Variants in ADCY2 observed in about 807,000 individuals in gnomAD.
The protein encoded by ADCY2 is adenylate cyclase 2, also known as adenylate cyclase type 2.
Under a neutral mutation model 125.2 loss-of-function variants are expected in ADCY2, and 31 were observed. The observed-to-expected ratio is 0.25, with a 90% CI of 0.19 to 0.33. The LOEUF is 0.33. ADCY2 is among the 10% of genes least tolerant of loss of function. The pLI is 1.00. For synonymous variants in ADCY2, 512 were observed against 548.4 expected, an observed-to-expected ratio of 0.93 and a Z score of 0.93; for missense variants, 904 against 1,418.2, an observed-to-expected ratio of 0.64 and a Z score of 5.82.
intron 3 of ADCY2, among the ~76,000 whole-genome samples, chr5:7,618,120 G>A (rs1011403109): frequency 9.9e-5 from 15 of 152,070 alleles, no homozygotes; most frequent in Admixed American, 7.9e-4. Flanking sequence ...ATTTCCTTAC[G>A]GATGTGCTTA....
At position 7,717,304 on chromosome 5, in the gene ADCY2, G is replaced by A. The variant is rs905715178; in HGVS notation, c.1703+67G>A. Reference sequence around the variant, plus strand: ...ATGTTCCAGTTGTATTTTATCATGGGCTCTGCAATAGTTACCATGACAAAG... The same window carrying A: ...ATGTTCCAGTTGTATTTTATCATGGACTCTGCAATAGTTACCATGACAAAG... On this transcript the variant is annotated intron_variant, in intron 12 of 24. Coordinates refer to ENST00000338316, the MANE Select transcript of ADCY2 (RefSeq NM_020546.3). 7.7e-6 allele frequency: 9 copies of A among 1,164,914 alleles called. No individual in the cohort carries two copies. In the African/African-American group the frequency reaches 1.4e-4, roughly 18 times the overall value. 72.2% of individuals were successfully genotyped at this position (1,164,914 alleles called of 1,614,324 possible). A position where few individuals can be genotyped will look rare whatever the true frequency, so the allele number is the denominator to read the frequency against.
chr5:7,630,187 G>A (rs141202067), intron 4 of ADCY2, among the ~76,000 whole-genome samples: 152 of 152,116 alleles, frequency 1.0e-3, no homozygotes, highest in African/African-American at 3.4e-3. Flanking sequence ...GGCTGTCCTT[G>A]GATGCAAAAT....
intron 2 of ADCY2, among the ~76,000 whole-genome samples, chr5:7,426,396 T>C (rs1740389518): frequency 6.6e-6 from 1 of 152,154 alleles, no homozygotes; most frequent in African/African-American, 2.4e-5. Flanking sequence ...CACCGGCAGA[T>C]TTGGTGTCTG....
intron 9 of ADCY2, among the ~76,000 whole-genome samples, chr5:7,708,816 AC>A (rs1299835515): frequency 6.6e-6 from 1 of 152,150 alleles, no homozygotes; most frequent in Non-Finnish European, 1.5e-5. Flanking sequence ...AAAGAACATT[AC>A]GTTCAGGTAA....
intron 16 of ADCY2, among the ~76,000 whole-genome samples, chr5:7,765,460 G>T (rs1206212569): frequency 6.6e-6 from 1 of 152,042 alleles, no homozygotes; most frequent in Non-Finnish European, 1.5e-5. Flanking sequence ...CATACATAAA[G>T]AAATCTACTA....
intron 2 of ADCY2, among the ~76,000 whole-genome samples, chr5:7,429,028 G>C (rs1381049325): frequency 6.6e-6 from 1 of 152,094 alleles, no homozygotes; most frequent in East Asian, 1.9e-4. Context: ...GAGAGAGAGA[G>C]AGAGAGAGAG....
At chr5:7,652,062 A>C (rs112458255) in intron 4 of ADCY2, among the ~76,000 whole-genome samples, 9 of 152,274 alleles carry the variant, frequency 5.9e-5, no homozygotes, top group African/African-American at 2.2e-4. Flanking sequence ...TCGGCCTCCC[A>C]AAGTGCTGGG....
chr5:7,603,795 T>C (rs1561121078), intron 3 of ADCY2, among the ~76,000 whole-genome samples: 4 of 144,036 alleles, frequency 2.8e-5, no homozygotes, highest in Admixed American at 2.1e-4. Context: ...TTTTTTTTTT[T>C]TTTTTTTTTT....
At chr5:7,556,969 A>G (rs1735525276) in intron 3 of ADCY2, among the ~76,000 whole-genome samples, 1 of 152,072 alleles carries the variant, frequency 6.6e-6, no homozygotes. Context: ...AAGAGCACCA[A>G]CTACAAAGAA....
At chr5:7,735,768 A>C (rs1742230071) in intron 14 of ADCY2, among the ~76,000 whole-genome samples, 1 of 152,164 alleles carries the variant, frequency 6.6e-6, no homozygotes, top group Non-Finnish European at 1.5e-5. Flanking sequence ...TTCATAAGAG[A>C]TACTGATTTC....
intron 20 of ADCY2, among the ~76,000 whole-genome samples, chr5:7,791,279 A>G (rs987768578): frequency 1.3e-5 from 2 of 151,842 alleles, no homozygotes; most frequent in Non-Finnish European, 2.9e-5. Context: ...TTCTTAGGAC[A>G]TTTTCACTGA....
chr5:7,701,578 C>T (rs574251371), intron 7 of ADCY2, among the ~76,000 whole-genome samples: 20 of 152,244 alleles, frequency 1.3e-4, no homozygotes, highest in Middle Eastern at 3.4e-3. Context: ...GTGTAACCAT[C>T]GCCACTGTCA....
At chr5:7,457,902 A>C (rs1008430762) in intron 2 of ADCY2, among the ~76,000 whole-genome samples, 3 of 152,238 alleles carry the variant, frequency 2.0e-5, no homozygotes, top group Non-Finnish European at 4.4e-5. Flanking sequence ...AATAAATCTC[A>C]AAATTTGACT....
intron 2 of ADCY2, among the ~76,000 whole-genome samples, chr5:7,505,584 A>C (rs1199715904): frequency 6.6e-6 from 1 of 152,254 alleles, no homozygotes; most frequent in Admixed American, 6.5e-5. Context: ...GAGCCAACGC[A>C]GATGCTAAAA....
At chr5:7,639,194 A>G (rs184680776) in intron 4 of ADCY2, among the ~76,000 whole-genome samples, 7 of 152,330 alleles carry the variant, frequency 4.6e-5, no homozygotes, top group Admixed American at 4.6e-4. Flanking sequence ...TTAGAGTATT[A>G]GAACCTACTA....
At chr5:7,438,803 T>C (rs1050001248) in intron 2 of ADCY2, among the ~76,000 whole-genome samples, 1 of 151,960 alleles carries the variant, frequency 6.6e-6, no homozygotes, top group African/African-American at 2.4e-5. Flanking sequence ...CAGTCGGAGG[T>C]TCTGTTAGGA....
intron 2 of ADCY2, among the ~76,000 whole-genome samples, chr5:7,513,106 C>CACACACACACACACACACACACAGAG (rs777343291): frequency 5.1e-5 from 7 of 138,540 alleles, no homozygotes; most frequent in Non-Finnish European, 9.5e-5. Flanking sequence ...CACACACACA[C>CACACACACACACACACACACACAGAG]AGAGAGAGAG....
chr5:7,443,538 G>C (rs1169649822), intron 2 of ADCY2, among the ~76,000 whole-genome samples: 1 of 149,526 alleles, frequency 6.7e-6, no homozygotes. Flanking sequence ...TACTCGGGAG[G>C]CTGAGGCAGG....
chr5:7,468,377 A>G (rs922016762), intron 2 of ADCY2, among the ~76,000 whole-genome samples: 5 of 152,184 alleles, frequency 3.3e-5, no homozygotes, highest in Non-Finnish European at 7.4e-5. Context: ...GGACATTCCT[A>G]AAGAAAAGCT....
Sources: gnomAD v4.1 joint callset for allele counts (sites outside exome capture counted in the v4.1 genomes callset) on GRCh38, gnomAD v4.1.1 for gene constraint, MANE v1.5 for transcripts, NCBI Gene and HGNC (gene_info 2026-07-23, HGNC 2026-07-21) for gene names.